Variants in PLCE1 observed in about 807,000 individuals in gnomAD.
PLCE1 encodes the protein phospholipase C epsilon 1, also known as 1-phosphatidylinositol 4,5-bisphosphate phosphodiesterase epsilon-1.
PLCE1 carries 119 observed loss-of-function variants against 242.8 expected under a neutral mutation model. The observed-to-expected ratio is 0.49, with a 90% CI of 0.42 to 0.57. The LOEUF is 0.57. PLCE1 is among the 20% of genes least tolerant of loss of function. The probability of loss-of-function intolerance (pLI) is 0.00; values close to 1 mark genes in which losing one functional copy is unlikely to be tolerated. For missense variants in PLCE1, 2,441 were observed against 2,788.8 expected (o/e 0.88, Z 2.81); for synonymous variants, 945 against 1,017.4 (o/e 0.93, Z 1.35).
chr10:94,281,468 T>C (rs1246593491), intron 20 of PLCE1, among the ~76,000 whole-genome samples: 3 of 152,188 alleles, frequency 2.0e-5, no homozygotes, highest in Non-Finnish European at 4.4e-5. Context: ...TGATTTATTT[T>C]CATTTGGGAA....
At chr10:94,030,338 A>T (rs1045028494) in intron 1 of PLCE1, among the ~76,000 whole-genome samples, 1 of 151,902 alleles carries the variant, frequency 6.6e-6, no homozygotes, top group Non-Finnish European at 1.5e-5. Context: ...TCTAAGCAGT[A>T]AGCTAGGGCA....
chr10:94,207,376 G>A (rs1021359623), intron 4 of PLCE1, among the ~76,000 whole-genome samples: 1 of 152,192 alleles, frequency 6.6e-6, no homozygotes, highest in Non-Finnish European at 1.5e-5. Context: ...GGTTTCTCAC[G>A]GTTGGAAATG....
At chr10:94,176,960 G>C (rs1398854242) in intron 4 of PLCE1, among the ~76,000 whole-genome samples, 1 of 152,118 alleles carries the variant, frequency 6.6e-6, no homozygotes, top group African/African-American at 2.4e-5. Flanking sequence ...CATGGAAATG[G>C]AAGGCAGTCC....
At chr10:94,023,838 T>C (rs2061415604) in intron 1 of PLCE1, among the ~76,000 whole-genome samples, 1 of 152,126 alleles carries the variant, frequency 6.6e-6, no homozygotes, top group Non-Finnish European at 1.5e-5. Flanking sequence ...GAGCCTTGCA[T>C]TCCAGACTCA....
intron 24 of PLCE1, among the ~76,000 whole-genome samples, chr10:94,299,386 A>G (rs1386295416): frequency 6.6e-6 from 1 of 152,198 alleles, no homozygotes; most frequent in East Asian, 1.9e-4. Context: ...AGATGAGCAA[A>G]TCAAGGCACA....
intron 2 of PLCE1, among the ~76,000 whole-genome samples, chr10:94,090,548 G>A (rs1008994161): frequency 1.3e-5 from 2 of 152,128 alleles, no homozygotes; most frequent in African/African-American, 2.4e-5. Flanking sequence ...GAAGGTGCGG[G>A]GTGTCTTGGT....
intron 2 of PLCE1, chr10:94,120,798 AAGAG>A (rs1419849349): frequency 1.3e-5 from 2 of 152,302 alleles, no homozygotes; most frequent in African/African-American, 4.8e-5. Context: ...GAATAAAGGG[AAGAG>A]AGAGAGGGGT....
rs2054171008 is a variant in PLCE1 at position 94,332,495 on chromosome 10, ATG to A, written c.*4559_*4560del. 7.7e-6 allele frequency: 1 copy of A among 130,346 alleles called. No homozygotes were observed. The highest frequency in any genetic ancestry group is 3.0e-5 in the African/African-American group (1 of 32,958). 8.1% of individuals were successfully genotyped at this position (130,346 alleles called of 1,614,324 possible). A position where few individuals can be genotyped will look rare whatever the true frequency, so the allele number is the denominator to read the frequency against. ...CTGTAGCTTAATATAGCCTCAGGAT[ATG>A]TGTGTGCCTGTGTGTGTGTGTGTGT... On this transcript the variant is annotated 3_prime_UTR_variant, in exon 33 of 33. Transcript: ENST00000371380.
intron 1 of PLCE1, among the ~76,000 whole-genome samples, chr10:94,006,778 G>T (rs2061047183): frequency 6.6e-6 from 1 of 152,200 alleles, no homozygotes; most frequent in Non-Finnish European, 1.5e-5. Flanking sequence ...ACTCAAAGCT[G>T]GGAAAATAGC....
At chr10:94,292,341 A>G (rs535247963) in intron 22 of PLCE1, among the ~76,000 whole-genome samples, 9 of 152,320 alleles carry the variant, frequency 5.9e-5, no homozygotes, top group African/African-American at 2.2e-4. Flanking sequence ...GAACGCTGAC[A>G]TGATACTCAA....
intron 24 of PLCE1, among the ~76,000 whole-genome samples, chr10:94,301,819 C>G (rs549220038): frequency 6.6e-6 from 1 of 152,290 alleles, no homozygotes; most frequent in African/African-American, 2.4e-5. Context: ...GCCTCACACC[C>G]AGACTTACAA....
chr10:94,262,109 T>C (rs548786101), intron 13 of PLCE1, among the ~76,000 whole-genome samples: 2 of 151,844 alleles, frequency 1.3e-5, no homozygotes, highest in South Asian at 2.1e-4. Context: ...CAAGCAACTC[T>C]TATGCCTCAG....
At chr10:94,188,589 G>C (rs1255417748) in intron 4 of PLCE1, among the ~76,000 whole-genome samples, 2 of 152,038 alleles carry the variant, frequency 1.3e-5, no homozygotes, top group Admixed American at 6.6e-5. Flanking sequence ...TGGTTTGTTC[G>C]TTTGTTTGTT....
intron 4 of PLCE1, among the ~76,000 whole-genome samples, chr10:94,175,552 C>T (rs1000878557): frequency 1.3e-5 from 2 of 152,024 alleles, no homozygotes; most frequent in African/African-American, 2.4e-5. Flanking sequence ...AGTACTGATC[C>T]GTTGTATTAA....
chr10:94,025,008 A>AT (rs544885955), intron 1 of PLCE1, among the ~76,000 whole-genome samples: 199 of 151,770 alleles, frequency 1.3e-3, no homozygotes, highest in Non-Finnish European at 2.6e-3. Context: ...ACAAGATAGA[A>AT]TTTTTTTTCC....
chr10:94,060,652 A>T (rs1426841311), intron 2 of PLCE1, among the ~76,000 whole-genome samples: 1 of 151,852 alleles, frequency 6.6e-6, no homozygotes, highest in Admixed American at 6.6e-5. Context: ...CATTAACGTT[A>T]GCATGAACCC....
chr10:94,316,769 G>A lies in PLCE1; in HGVS notation c.6342+13G>A, dbSNP rs75283731. On this transcript the variant is annotated intron_variant, in intron 29 of 32. Coordinates refer to ENST00000371380, the MANE Select transcript of PLCE1 (RefSeq NM_016341.4). ...AACCCAGCAGGAAGTAAGTGTGTCT[G>A]GGTGCAGCCTACACAGTAACGACTC... 2,594 of 1,582,032 alleles carry A rather than the reference G, an allele frequency of 1.6e-3. 55 individuals are homozygous for A. The East Asian group carries it at 0.048, about 29-fold the overall frequency.
intron 7 of PLCE1, 148 bp downstream of exon 7, chr10:94,236,268 C>T: frequency 1.5e-6 from 1 of 672,682 alleles, no homozygotes; most frequent in Non-Finnish European, 2.6e-6. Flanking sequence ...ATCTTCAAAC[C>T]TTACCAATTC....
At chr10:94,123,991 T>TAATAAG (rs2046369764) in intron 2 of PLCE1, among the ~76,000 whole-genome samples, 1 of 151,988 alleles carries the variant, frequency 6.6e-6, no homozygotes, top group Non-Finnish European at 1.5e-5. Flanking sequence ...TGAAGGAGAA[T>TAATAAG]AGTAATAAGA....
Sources: allele counts gnomAD v4.1 joint callset (sites outside exome capture counted in the v4.1 genomes callset), GRCh38; gene constraint gnomAD v4.1.1; transcripts MANE v1.5; gene names NCBI Gene and HGNC (gene_info 2026-07-23, HGNC 2026-07-21).